Variants in JAG2 observed in about 807,000 individuals in gnomAD.
The protein encoded by JAG2 is protein jagged-2.
A neutral mutation model predicts 141.7 loss-of-function variants in JAG2; 46 were observed. The observed-to-expected ratio is 0.32, with a 90% CI of 0.26 to 0.42. JAG2 has a LOEUF of 0.42. JAG2 is among the 10% of genes least tolerant of loss of function. JAG2 has a pLI of 1.00. For synonymous variants in JAG2, 862 were observed against 763.5 expected (o/e 1.13, Z -2.13); for missense variants, 1,500 against 1,817.5 (o/e 0.83, Z 3.18).
At chr14:105,147,441 C>G in intron 19 of JAG2, 30 bp from the exon 20 acceptor site, 1 of 1,609,066 alleles carries the variant, frequency 6.2e-7, no homozygotes, top group Non-Finnish European at 8.5e-7. Context: ...CATCAGGTGG[C>G]CCCCCGTGGT....
chr14:105,144,744 GCCA>G (rs1888170752), intron 24 of JAG2, among the ~76,000 whole-genome samples, 183 bp downstream of exon 24: 1 of 152,310 alleles, frequency 6.6e-6, no homozygotes, highest in Admixed American at 6.5e-5. Context: ...CCTCATGCTG[GCCA>G]GGCCCAGGGA....
intron 2 of JAG2, among the ~76,000 whole-genome samples, chr14:105,159,769 C>T (rs1328242901): frequency 1.1e-4 from 8 of 73,310 alleles, no homozygotes; most frequent in Middle Eastern, 7.5e-3. Flanking sequence ...CACACCCCCC[C>T]AGAGTTCCAT....
Position 105,151,021 on chromosome 14 carries a change from G to C in JAG2, c.1351C>G (p.Pro451Ala), listed in dbSNP as rs1377558417. The C allele has an allele frequency of 6.2e-7, 1 of 1,613,030 alleles. No individual in the cohort carries two copies. Among genetic ancestry groups the C allele is most frequent in the Admixed American group, 1.7e-5 (1 of 60,000 alleles). ...LIGGYYCDCIPGWKGINCHIN... is the reference protein window; with the variant it reads ...LIGGYYCDCIAGWKGINCHIN... ...TGGCAGTTGATGCCCTTCCAGCCCG[G>C]GATGCAATCACAGTAATAGCCGCCA... The change falls in exon 10 of 26, where the codon CCG (proline) becomes GCG (alanine). Residue 451 changes from proline (P) to alanine (A), a missense_variant. Coordinates refer to ENST00000331782, the MANE Select transcript of JAG2 (RefSeq NM_002226.5).
chr14:105,148,240 A>C lies in JAG2; in HGVS notation c.2135-11T>G. 1 of 1,565,688 alleles carries C rather than the reference A, an allele frequency of 6.4e-7. No homozygotes were observed. Among genetic ancestry groups the C allele is most frequent in the Non-Finnish European group, 8.7e-7 (1 of 1,155,488 alleles). ...CGCACTGGAACTCGCCTGTTGGCAC[A>C]TGGGCCGCTCAGCAGGCAGGCCCCA... On this transcript the variant is annotated splice_polypyrimidine_tract_variant and intron_variant, in intron 16 of 25. Transcript: ENST00000331782.
rs1334313636 is a variant in JAG2 at position 105,150,850 on chromosome 14, C to T, written c.1428+15G>A. 7 of 1,575,904 alleles carry T rather than the reference C, an allele frequency of 4.4e-6. No homozygotes were observed. Reference sequence around the variant, plus strand: ...CGCAGCACCCACGCCACACACCCTCCTGGCCCCGCCTCACCTTGCAGGTGC... The same window carrying T: ...CGCAGCACCCACGCCACACACCCTCTTGGCCCCGCCTCACCTTGCAGGTGC... On this transcript the variant is annotated intron_variant, in intron 11 of 25. Coordinates refer to ENST00000331782, the MANE Select transcript of JAG2 (RefSeq NM_002226.5).
intron 15 of JAG2, 54 bp from the exon 16 acceptor site, chr14:105,148,493 G>T: frequency 7.4e-7 from 1 of 1,348,708 alleles, no homozygotes; most frequent in Non-Finnish European, 1.0e-6. Flanking sequence ...CTCAGGGAGG[G>T]CTTCCCGGGG....
intron 18 of JAG2, 47 bp from the exon 19 acceptor site, chr14:105,147,574 G>A: frequency 1.3e-6 from 2 of 1,581,660 alleles, no homozygotes; most frequent in Non-Finnish European, 1.7e-6. Context: ...CACCCCCCAA[G>A]CGTGCCAGGC....
intron 2 of JAG2, among the ~76,000 whole-genome samples, chr14:105,166,732 C>T (rs145763172): frequency 1.3e-5 from 2 of 152,326 alleles, no homozygotes; most frequent in Non-Finnish European, 2.9e-5. Context: ...CTCACAATCA[C>T]TTCAGGGCCC....
rs367844673 is a variant in JAG2 at position 105,142,871 on chromosome 14, C to T, written c.3541G>A (p.Glu1181Lys). 1.2e-4 allele frequency: 186 copies of T among 1,606,602 alleles called. No homozygotes were observed. Among genetic ancestry groups the T allele is most frequent in the Non-Finnish European group, 1.5e-4 (178 of 1,176,986 alleles). Reference sequence around the variant, plus strand: ...TCCTCCTCACCGCGGCCCAGATCCTCGTCCTCCTCATCCTCCCTGACGGCC... The same window carrying T: ...TCCTCCTCACCGCGGCCCAGATCCTTGTCCTCCTCATCCTCCCTGACGGCC... ...HAAVREDEEDEDLGRGEEDSL... is the reference protein window; with the variant it reads ...HAAVREDEEDKDLGRGEEDSL... Residue 1181 changes from glutamate to lysine, a missense_variant, in exon 26 of 26, where the codon GAG becomes AAG. This residue lies in a region of JAG2 where 425 missense variants were observed against 441.0 expected (regional missense o/e 0.96). Transcript: ENST00000331782.
Position 105,147,380 on chromosome 14 carries a change from T to G in JAG2, c.2425A>C (p.Asn809His). ...YNGGICVDGV[N>H]WFRCECAPGF... ...GGTGCACACTCGCAGCGGAACCAGT[T>G]GACGCCGTCAACACAGATGCCACCA... is the stretch of plus-strand genomic sequence containing the variant. The change falls in exon 20 of 26, where the codon AAC (asparagine) becomes CAC (histidine). Residue 809 changes from asparagine (N) to histidine (H), a missense_variant. By Grantham distance (68) the Asn-to-His change is moderately conservative (BLOSUM62 1). Around this residue, in one of 3 missense-constraint regions of JAG2, gnomAD observed 875 missense variants for 1,202.2 expected, o/e 0.73. Transcript: ENST00000331782. The G allele has an allele frequency of 6.3e-7, 1 of 1,599,132 alleles. No individual in the cohort carries two copies. The highest frequency in any genetic ancestry group is 8.5e-7 in the Non-Finnish European group (1 of 1,173,618).
intron 17 of JAG2, 66 bp downstream of exon 17, chr14:105,148,050 G>A (rs958668730): frequency 4.4e-6 from 6 of 1,348,738 alleles, no homozygotes; most frequent in Middle Eastern, 2.5e-4. Flanking sequence ...GGCCCATCGC[G>A]CCCGAGGGAG....
chr14:105,153,040 A>C (rs1266966871), intron 5 of JAG2, among the ~76,000 whole-genome samples: 5 of 150,978 alleles, frequency 3.3e-5, no homozygotes, highest in Non-Finnish European at 4.4e-5. Context: ...CAGGGGAGAG[A>C]GCCTGCAACG....
chr14:105,156,656 G>A (rs925417104), intron 3 of JAG2, among the ~76,000 whole-genome samples: 3 of 152,128 alleles, frequency 2.0e-5, no homozygotes, highest in African/African-American at 7.2e-5. Flanking sequence ...GCACAGGCTC[G>A]ACGTTTTGCA....
Position 105,149,182 on chromosome 14 carries a change from C to T in JAG2, c.1741G>A (p.Gly581Arg), listed in dbSNP as rs773603425. The T allele has an allele frequency of 8.7e-6, 14 of 1,611,618 alleles. No individual in the cohort carries two copies. Among genetic ancestry groups the T allele is most frequent in the Admixed American group, 8.3e-5 (5 of 59,990 alleles). ...CCGCACCCAGCACCTCTGCAGGCCC[C>T]GCCAGGGCACGGCTCGCGGGGCACG... ...CSVPREPCPGGACRVIDGCGS... is the reference protein window; with the variant it reads ...CSVPREPCPGRACRVIDGCGS... Residue 581 changes from glycine (G) to arginine (R), a missense_variant, in exon 13 of 26, where the codon GGG (glycine) becomes AGG (arginine). Gly to Arg is a moderately radical substitution (Grantham distance 125). Coordinates refer to ENST00000331782, the MANE Select transcript of JAG2 (RefSeq NM_002226.5).
Position 105,143,608 on chromosome 14 carries a change from T to C in JAG2, c.3115A>G (p.Ser1039Gly), listed in dbSNP as rs1251489881. The change falls in exon 25 of 26, where the codon AGC (serine) becomes GGC (glycine). Residue 1039 changes from serine (S) to glycine (G), a missense_variant. Transcript: ENST00000331782. ...TGGGCCGCGCCCTGGATCAGGCTGC[T>C]GTCAGGCAGGTCCCTGGCAGGGCTG... ...SFSPARDLPD[S>G]SLIQGAAHAI... The C allele has an allele frequency of 1.2e-6, 2 of 1,608,356 alleles. No homozygotes were observed. Among genetic ancestry groups the C allele is most frequent in the Non-Finnish European group, 1.7e-6 (2 of 1,179,700 alleles).
chr14:105,164,513 G>C (rs587688443), intron 2 of JAG2, among the ~76,000 whole-genome samples: 1 of 152,204 alleles, frequency 6.6e-6, no homozygotes, highest in Non-Finnish European at 1.5e-5. Context: ...GGTAGGGTGG[G>C]GAGGCCAGGG....
intron 2 of JAG2, among the ~76,000 whole-genome samples, chr14:105,159,564 C>A (rs907002872): frequency 2.0e-5 from 3 of 147,262 alleles, no homozygotes; most frequent in Non-Finnish European, 4.5e-5. Context: ...TCCGTCCACA[C>A]CCCCCGCCGA....
At chr14:105,166,970 C>CACA (rs1888931276) in intron 2 of JAG2, among the ~76,000 whole-genome samples, 1 of 152,138 alleles carries the variant, frequency 6.6e-6, no homozygotes, top group Non-Finnish European at 1.5e-5. Flanking sequence ...GCCTGCCCAC[C>CACA]TACCACTACC....
At chr14:105,159,694 CA>C (rs1888677388) in intron 2 of JAG2, among the ~76,000 whole-genome samples, 1 of 124,664 alleles carries the variant, frequency 8.0e-6, no homozygotes, top group African/African-American at 3.1e-5. Flanking sequence ...GCTCCATCCA[CA>C]CCCCGCAACA....
Sources: allele counts gnomAD v4.1 joint callset (sites outside exome capture counted in the v4.1 genomes callset), GRCh38; gene constraint gnomAD v4.1.1; regional missense constraint gnomAD v4.1.1; transcripts MANE v1.5; gene names NCBI Gene and HGNC (gene_info 2026-07-23, HGNC 2026-07-21).